The following PDE4B variants were observed in gnomAD, a reference collection of about 807,000 sequenced individuals.
The protein encoded by PDE4B is phosphodiesterase 4B.
In PDE4B, 20 loss-of-function variants were observed where a neutral mutation model predicts 82.2. That is an observed-to-expected ratio of 0.24 (90% CI 0.17 to 0.35). PDE4B has a LOEUF of 0.35. Ranked by LOEUF, PDE4B falls within the 10% of genes least tolerant of loss-of-function variation. PDE4B has a pLI of 1.00. For synonymous variants in PDE4B, 320 were observed against 318.9 expected (o/e 1.00, Z -0.04); for missense variants, 655 against 907.2 (o/e 0.72, Z 3.57).
At chr1:66,269,000 A>ATTCACAGT (rs1655266537) in intron 7 of PDE4B, among the ~76,000 whole-genome samples, 1 of 152,234 alleles carries the variant, frequency 6.6e-6, no homozygotes, top group South Asian at 2.1e-4. Flanking sequence ...TCACATAGTA[A>ATTCACAGT]GAACACAGTA....
intron 7 of PDE4B, among the ~76,000 whole-genome samples, chr1:66,331,009 G>A (rs1291775639): frequency 6.6e-6 from 1 of 152,194 alleles, no homozygotes; most frequent in African/African-American, 2.4e-5. Context: ...ATCTTGAAGT[G>A]TATGAATATT....
chr1:65,960,603 T>A (rs945359338), intron 3 of PDE4B, among the ~76,000 whole-genome samples: 2 of 152,144 alleles, frequency 1.3e-5, no homozygotes, highest in African/African-American at 4.8e-5. Context: ...ATAAGACTAA[T>A]ACCAATTTAT....
Position 66,367,939 on chromosome 1 carries a change from C to A in PDE4B, c.1540-4C>A, listed in dbSNP as rs201588931. ...TAAGAGTTTTCATTTTCTTTTTACC[C>A]AAGGTGTTAGCAACTGATATGTCTA... is the stretch of plus-strand genomic sequence containing the variant. On this transcript the variant is annotated splice_polypyrimidine_tract_variant and splice_region_variant and intron_variant, in intron 14 of 16. Coordinates refer to ENST00000341517, the MANE Select transcript of PDE4B (RefSeq NM_002600.4). 100 of 1,613,128 alleles carry A rather than the reference C, an allele frequency of 6.2e-5. No individual in the cohort carries two copies. The highest frequency in any genetic ancestry group is 1.3e-5 in the African/African-American group (1 of 74,816).
chr1:66,181,168 A>G (rs1224025768), intron 3 of PDE4B, among the ~76,000 whole-genome samples: 3 of 152,216 alleles, frequency 2.0e-5, no homozygotes, highest in Non-Finnish European at 4.4e-5. Context: ...CTTGTAAATA[A>G]TGTACAAGAT....
At chr1:66,062,845 T>C (rs1354519736) in intron 3 of PDE4B, 27 of 152,124 alleles carry the variant, frequency 1.8e-4, no homozygotes. Context: ...TTAAAATTGT[T>C]GACCATTTTA....
At chr1:66,262,216 G>A (rs568538584) in intron 6 of PDE4B, among the ~76,000 whole-genome samples, 11 of 152,334 alleles carry the variant, frequency 7.2e-5, no homozygotes, top group African/African-American at 2.4e-4. Context: ...ATCATAAAAT[G>A]TTTAGCGTTC....
intron 3 of PDE4B, among the ~76,000 whole-genome samples, chr1:65,958,420 G>C (rs1352080575): frequency 1.3e-5 from 2 of 151,896 alleles, no homozygotes; most frequent in African/African-American, 4.8e-5. Flanking sequence ...AAGTGAAGTT[G>C]ACTGATATTT....
At chr1:65,930,434 A>G (rs1046283709) in intron 3 of PDE4B, among the ~76,000 whole-genome samples, 2 of 152,200 alleles carry the variant, frequency 1.3e-5, no homozygotes, top group African/African-American at 4.8e-5. Context: ...TGTACCCTGC[A>G]CCTGGAAAAG....
chr1:66,268,524 T>C (rs1471624198), intron 7 of PDE4B, among the ~76,000 whole-genome samples: 1 of 151,170 alleles, frequency 6.6e-6, no homozygotes, highest in African/African-American at 2.4e-5. Flanking sequence ...AAAAATTAGC[T>C]GGGTGTGGTG....
At chr1:66,308,184 G>T (rs1486840694) in intron 7 of PDE4B, among the ~76,000 whole-genome samples, 1 of 152,096 alleles carries the variant, frequency 6.6e-6, no homozygotes, top group African/African-American at 2.4e-5. Context: ...GGCAGATAAG[G>T]TAGCTGAGGT....
intron 7 of PDE4B, among the ~76,000 whole-genome samples, chr1:66,319,369 GA>G (rs1486042969): frequency 1.3e-5 from 2 of 152,260 alleles, no homozygotes; most frequent in East Asian, 3.9e-4. Flanking sequence ...AGATAAAATT[GA>G]GGGATAAATA....
intron 3 of PDE4B, among the ~76,000 whole-genome samples, chr1:65,925,462 A>G (rs996977492): frequency 6.6e-6 from 1 of 152,196 alleles, no homozygotes; most frequent in Non-Finnish European, 1.5e-5. Context: ...AAAACCAGGA[A>G]CAAAATCAAG....
chr1:66,319,619 G>A (rs577260533), intron 7 of PDE4B, among the ~76,000 whole-genome samples: 20 of 152,216 alleles, frequency 1.3e-4, no homozygotes, highest in African/African-American at 4.8e-4. Flanking sequence ...AAGTTTCCAG[G>A]TTCTACATTT....
intron 3 of PDE4B, among the ~76,000 whole-genome samples, chr1:66,106,619 T>G (rs1645363829): frequency 6.6e-6 from 1 of 151,652 alleles, no homozygotes; most frequent in South Asian, 2.1e-4. Flanking sequence ...TTTCAGAGCC[T>G]GTTATTGGTG....
At chr1:65,821,337 T>C (rs1204541397) in intron 1 of PDE4B, among the ~76,000 whole-genome samples, 2 of 152,240 alleles carry the variant, frequency 1.3e-5, no homozygotes, top group Non-Finnish European at 2.9e-5. Context: ...GGTAGAATGA[T>C]TGGAGATTCA....
At chr1:65,861,251 C>T (rs1646451249) in intron 1 of PDE4B, among the ~76,000 whole-genome samples, 1 of 152,150 alleles carries the variant, frequency 6.6e-6, no homozygotes, top group East Asian at 1.9e-4. Context: ...AGTGCAGTTT[C>T]TCTCTTCTGC....
intron 3 of PDE4B, among the ~76,000 whole-genome samples, chr1:66,189,623 A>G (rs1379081728): frequency 6.6e-6 from 1 of 152,124 alleles, no homozygotes; most frequent in Admixed American, 6.6e-5. Context: ...AGTTGATCGA[A>G]TAGGCTATTG....
At chr1:66,225,537 C>T in intron 3 of PDE4B, among the ~76,000 whole-genome samples, 1 of 152,188 alleles carries the variant, frequency 6.6e-6, no homozygotes, top group Middle Eastern at 3.2e-3. Context: ...TCTCCCTAGG[C>T]ACAGGTATAC....
At chr1:65,904,007 TTA>T (rs2100430181) in intron 1 of PDE4B, among the ~76,000 whole-genome samples, 1 of 152,338 alleles carries the variant, frequency 6.6e-6, no homozygotes, top group South Asian at 2.1e-4. Context: ...GATGTAGTAT[TTA>T]TATTTCTGAG....
Sources: allele counts gnomAD v4.1 joint callset (sites outside exome capture counted in the v4.1 genomes callset), GRCh38; gene constraint gnomAD v4.1.1; transcripts MANE v1.5; gene names NCBI Gene and HGNC (gene_info 2026-07-23, HGNC 2026-07-21).